NKD1: variants seen among roughly 807,000 people sequenced by gnomAD.
NKD1 encodes the protein protein naked cuticle homolog 1.
Under a neutral mutation model 56.0 loss-of-function variants are expected in NKD1, and 21 were observed. That is an observed-to-expected ratio of 0.38 (90% CI 0.27 to 0.54). The LOEUF is 0.54. NKD1 is among the 20% of genes least tolerant of loss of function. The probability of loss-of-function intolerance (pLI) is 0.82; values close to 1 mark genes in which losing one functional copy is unlikely to be tolerated. For synonymous variants in NKD1, 263 were observed against 265.7 expected (o/e 0.99, Z 0.10); for missense variants, 578 against 642.7 (o/e 0.90, Z 1.09).
At chr16:50,595,461 G>T (rs960722444) in intron 3 of NKD1, among the ~76,000 whole-genome samples, 9 of 152,108 alleles carry the variant, frequency 5.9e-5, no homozygotes, top group Non-Finnish European at 1.3e-4. Context: ...GCCTGATGCT[G>T]GTGGTCCTGG....
chr16:50,560,313 G>C (rs1168423812), intron 3 of NKD1, among the ~76,000 whole-genome samples: 1 of 152,230 alleles, frequency 6.6e-6, no homozygotes, highest in Non-Finnish European at 1.5e-5. Context: ...GCTGCCCACT[G>C]TGTGCATAGC....
At chr16:50,586,379 G>T in intron 3 of NKD1, among the ~76,000 whole-genome samples, 1 of 126,886 alleles carries the variant, frequency 7.9e-6, no homozygotes, top group Non-Finnish European at 1.6e-5. Flanking sequence ...CTCCTTGTTT[G>T]GGCGGGGGGT....
chr16:50,571,358 C>T (rs957627409), intron 3 of NKD1: 16 of 362,244 alleles, frequency 4.4e-5, no homozygotes, highest in African/African-American at 6.6e-5. Flanking sequence ...AGCAGCTGGC[C>T]GCACAGCCTG....
intron 3 of NKD1, among the ~76,000 whole-genome samples, chr16:50,600,235 A>G (rs1312847567): frequency 1.3e-5 from 2 of 151,338 alleles, no homozygotes; most frequent in African/African-American, 4.9e-5. Context: ...TTAAAAAAAC[A>G]AAACAAAACA....
intron 3 of NKD1, among the ~76,000 whole-genome samples, chr16:50,578,092 T>C (rs1961028699): frequency 6.6e-6 from 1 of 152,200 alleles, no homozygotes; most frequent in Non-Finnish European, 1.5e-5. Context: ...GGTACCTTGG[T>C]TGGAAAATGA....
At chr16:50,574,454 C>G (rs1430503136) in intron 3 of NKD1, 4 of 985,324 alleles carry the variant, frequency 4.1e-6, no homozygotes. Flanking sequence ...TTCCTTGGGA[C>G]TTGGCTGGGC....
chr16:50,570,827 T>C, intron 3 of NKD1: 1 of 985,444 alleles, frequency 1.0e-6, no homozygotes, highest in Non-Finnish European at 1.2e-6. Context: ...GGAAATGTGT[T>C]GCCAGGAGTG....
intron 4 of NKD1, among the ~76,000 whole-genome samples, chr16:50,615,388 T>C (rs1445898931): frequency 6.6e-6 from 1 of 152,206 alleles, no homozygotes; most frequent in African/African-American, 2.4e-5. Context: ...AAGATTCTGA[T>C]GATTAAATGA....
Position 50,630,318 on chromosome 16 carries a change from CTT to C in NKD1, c.596_597del (p.Leu199ArgfsTer5). On this transcript the variant is annotated frameshift_variant, in exon 7 of 10. Transcript: ENST00000268459. LOFTEE classifies it high-confidence loss of function. ...TGGCAGCCAGAGCAAGAGGAGCGTC[CTT>C]GTCAATCAGGCTGGTGAGGGCTGCA... ...PDGSQSKRSV[L>X]VNQADLQSAR... 1 of 1,614,138 alleles carries C rather than the reference CTT, an allele frequency of 6.2e-7. No individual in the cohort carries two copies. The highest frequency in any genetic ancestry group is 8.5e-7 in the Non-Finnish European group (1 of 1,180,006).
At chr16:50,560,063 C>G (rs1214248993) in intron 3 of NKD1, among the ~76,000 whole-genome samples, 1 of 152,178 alleles carries the variant, frequency 6.6e-6, no homozygotes, top group Non-Finnish European at 1.5e-5. Flanking sequence ...CAGAGGGAGC[C>G]TTGTTCCAGG....
intron 3 of NKD1, among the ~76,000 whole-genome samples, chr16:50,554,452 C>T (rs1463445578): frequency 1.3e-5 from 2 of 152,116 alleles, no homozygotes; most frequent in Admixed American, 1.3e-4. Flanking sequence ...GATTAGGTCA[C>T]CCTCCCTGCC....
intron 4 of NKD1, among the ~76,000 whole-genome samples, chr16:50,614,350 A>G (rs1445602884): frequency 6.6e-6 from 1 of 152,132 alleles, no homozygotes; most frequent in Non-Finnish European, 1.5e-5. Flanking sequence ...AAACCATGTC[A>G]TGGACACATG....
intron 3 of NKD1, among the ~76,000 whole-genome samples, chr16:50,575,529 C>A (rs562745157): frequency 1.3e-5 from 2 of 152,186 alleles, no homozygotes; most frequent in Non-Finnish European, 1.5e-5. Context: ...GGGCTCCTTC[C>A]CCGGGCTGTG....
At chr16:50,559,510 G>C (rs990295205) in intron 3 of NKD1, among the ~76,000 whole-genome samples, 1 of 152,076 alleles carries the variant, frequency 6.6e-6, no homozygotes, top group Non-Finnish European at 1.5e-5. Flanking sequence ...CCTCCTTCTC[G>C]GTGTCTGACT....
At chr16:50,552,705 C>T (rs1033196430) in intron 3 of NKD1, among the ~76,000 whole-genome samples, 3 of 152,196 alleles carry the variant, frequency 2.0e-5, no homozygotes, top group Non-Finnish European at 1.5e-5. Context: ...TCATCCCTGG[C>T]GGGTTATGAT....
intron 5 of NKD1, among the ~76,000 whole-genome samples, chr16:50,624,501 A>T (rs1299683814): frequency 6.6e-6 from 1 of 152,270 alleles, no homozygotes; most frequent in Non-Finnish European, 1.5e-5. Flanking sequence ...TGTGCCAGAC[A>T]GTGCTCCAAG....
chr16:50,549,790 G>A (rs1022719780), intron 3 of NKD1, among the ~76,000 whole-genome samples: 22 of 152,220 alleles, frequency 1.4e-4, no homozygotes, highest in Non-Finnish European at 2.8e-4. Context: ...TAGGTGGGGA[G>A]GTGGTGAAGG....
chr16:50,548,597 G>T lies in NKD1; in HGVS notation c.25+19G>T. The stretch of plus-strand genomic sequence containing the variant: ...AAGCCGGGTCAGTGCCCCCGCCCGC[G>T]CGCTCGCCCCGGGCCCCGCCGCCGT... On this transcript the variant is annotated intron_variant, in intron 1 of 9. Transcript: ENST00000268459. 6.9e-7 allele frequency: 1 copy of T among 1,458,602 alleles called. No homozygotes were observed. Among genetic ancestry groups the T allele is most frequent in the Non-Finnish European group, 9.0e-7 (1 of 1,111,734 alleles). 90.4% of individuals were successfully genotyped at this position (1,458,602 alleles called of 1,614,324 possible).
intron 4 of NKD1, among the ~76,000 whole-genome samples, chr16:50,613,294 A>T (rs569346689): frequency 3.3e-5 from 5 of 151,978 alleles, no homozygotes; most frequent in Admixed American, 6.5e-5. Flanking sequence ...AGAGAGAGAG[A>T]GCGAGTCAAG....
Sources: gnomAD v4.1 joint callset for allele counts (sites outside exome capture counted in the v4.1 genomes callset) on GRCh38, gnomAD v4.1.1 for gene constraint, MANE v1.5 for transcripts, NCBI Gene and HGNC (gene_info 2026-07-23, HGNC 2026-07-21) for gene names.